The following HSD17B3 variants were observed in gnomAD, a reference collection of about 807,000 sequenced individuals.
The protein encoded by HSD17B3 is 17-beta-hydroxysteroid dehydrogenase type 3.
In HSD17B3, 29 loss-of-function variants were observed where a neutral mutation model predicts 41.1. That is an observed-to-expected ratio of 0.71 (90% CI 0.53 to 0.96). The LOEUF (loss-of-function observed/expected upper bound fraction) is 0.96, where lower values mean the gene tolerates loss of function less well. HSD17B3 is among the 40% of genes least tolerant of loss of function. The probability of loss-of-function intolerance (pLI) is 0.00; values close to 1 mark genes in which losing one functional copy is unlikely to be tolerated. For synonymous variants in HSD17B3, 126 were observed against 145.6 expected, an observed-to-expected ratio of 0.87 and a Z score of 0.97; for missense variants, 323 against 374.6, an observed-to-expected ratio of 0.86 and a Z score of 1.14.
At chr9:96,255,049 C>A in intron 2 of HSD17B3, 106 bp from the exon 3 acceptor site, 1 of 936,156 alleles carries the variant, frequency 1.1e-6, no homozygotes, top group South Asian at 1.4e-5. Context: ...GGCAGGGTGA[C>A]ATGGTTGCTT....
At chr9:96,285,533 G>T (rs951091967) in intron 2 of HSD17B3, among the ~76,000 whole-genome samples, 2 of 152,188 alleles carry the variant, frequency 1.3e-5, no homozygotes, top group African/African-American at 4.8e-5. Context: ...TTCATGGAAA[G>T]CCTTCTAATT....
intron 4 of HSD17B3, 129 bp from the exon 5 acceptor site, chr9:96,251,614 T>C: frequency 1.2e-6 from 1 of 823,364 alleles, no homozygotes. Flanking sequence ...GTGAGGAAAC[T>C]GGGGGGAAGT....
intron 7 of HSD17B3, among the ~76,000 whole-genome samples, chr9:96,245,992 C>G (rs1836648185): frequency 6.6e-6 from 1 of 152,146 alleles, no homozygotes; most frequent in African/African-American, 2.4e-5. Flanking sequence ...AATGGAGGGG[C>G]AGGGGACAAG....
intron 6 of HSD17B3, 144 bp downstream of exon 6, chr9:96,249,607 C>A: frequency 1.4e-6 from 1 of 730,702 alleles, no homozygotes; most frequent in South Asian, 1.5e-5. Context: ...AAGACAATTA[C>A]AAGACCACGA....
intron 2 of HSD17B3, among the ~76,000 whole-genome samples, chr9:96,271,607 T>TAGC (rs1826247494): frequency 6.6e-6 from 1 of 152,174 alleles, no homozygotes; most frequent in Non-Finnish European, 1.5e-5. Flanking sequence ...AGATATGTGT[T>TAGC]ATGATCCAGC....
At chr9:96,288,032 T>C (rs929367971) in intron 2 of HSD17B3, among the ~76,000 whole-genome samples, 2 of 152,144 alleles carry the variant, frequency 1.3e-5, no homozygotes, top group Non-Finnish European at 2.9e-5. Context: ...ATATGCTAAG[T>C]GGAAGAAAAC....
intron 2 of HSD17B3, among the ~76,000 whole-genome samples, chr9:96,278,522 T>C (rs763893191): frequency 7.2e-5 from 11 of 152,102 alleles, no homozygotes; most frequent in Non-Finnish European, 2.9e-5. Context: ...GGTGTGGGGA[T>C]GTGTGTGGAG....
At chr9:96,269,749 C>T (rs280656) in intron 2 of HSD17B3, among the ~76,000 whole-genome samples, 1 of 151,388 alleles carries the variant, frequency 6.6e-6, no homozygotes, top group African/African-American at 2.4e-5. Flanking sequence ...AGTAAAAATA[C>T]AAAAATTAGC....
At chr9:96,240,472 G>A (rs924391404) in intron 10 of HSD17B3, among the ~76,000 whole-genome samples, 2 of 152,146 alleles carry the variant, frequency 1.3e-5, no homozygotes, top group African/African-American at 2.4e-5. Flanking sequence ...CCACGTGGAA[G>A]CGCCATATAT....
At chr9:96,270,083 G>A (rs926633833) in intron 2 of HSD17B3, among the ~76,000 whole-genome samples, 1 of 152,202 alleles carries the variant, frequency 6.6e-6, no homozygotes, top group Non-Finnish European at 1.5e-5. Flanking sequence ...GTGTCGGGGT[G>A]AGGGAAGGTA....
intron 2 of HSD17B3, among the ~76,000 whole-genome samples, chr9:96,291,257 C>T (rs1827144890): frequency 6.6e-6 from 1 of 152,102 alleles, no homozygotes; most frequent in South Asian, 2.1e-4. Context: ...TCCCAAGTGT[C>T]ATCGGAGGCC....
At chr9:96,285,119 G>T (rs749205030) in intron 2 of HSD17B3, among the ~76,000 whole-genome samples, 15 of 152,062 alleles carry the variant, frequency 9.9e-5, no homozygotes, top group Non-Finnish European at 1.6e-4. Flanking sequence ...GATTACAGGC[G>T]TGAGCCACTG....
intron 2 of HSD17B3, among the ~76,000 whole-genome samples, chr9:96,272,175 C>T (rs1826267111): frequency 6.6e-6 from 1 of 151,052 alleles, no homozygotes. Context: ...TTGAAACCAG[C>T]CTGGCCAACA....
chr9:96,274,293 G>A (rs930779034), intron 2 of HSD17B3, among the ~76,000 whole-genome samples: 2 of 152,086 alleles, frequency 1.3e-5, no homozygotes, highest in African/African-American at 4.8e-5. Flanking sequence ...ACAAAAATTA[G>A]CTGGGCATGG....
At chr9:96,245,237 A>T in intron 8 of HSD17B3, 108 bp downstream of exon 8, 3 of 868,462 alleles carry the variant, frequency 3.5e-6, no homozygotes, top group Non-Finnish European at 6.0e-6. Context: ...ATAAGAGAGC[A>T]TCTCCAGGTA....
chr9:96,297,021 C>T (rs1827385836), intron 2 of HSD17B3, among the ~76,000 whole-genome samples: 1 of 145,246 alleles, frequency 6.9e-6, no homozygotes, highest in Non-Finnish European at 1.5e-5. Context: ...GGCAACAGAG[C>T]AAGTGTCTCA....
intron 2 of HSD17B3, among the ~76,000 whole-genome samples, chr9:96,296,688 C>G (rs528094444): frequency 2.0e-5 from 3 of 151,908 alleles, no homozygotes; most frequent in Admixed American, 2.0e-4. Flanking sequence ...AAATTTTTAC[C>G]AAGAAAATGG....
At chr9:96,277,351 G>A (rs1040814570) in intron 2 of HSD17B3, among the ~76,000 whole-genome samples, 2 of 152,126 alleles carry the variant, frequency 1.3e-5, no homozygotes, top group African/African-American at 2.4e-5. Context: ...TATATAAAGA[G>A]CTAATAAAAC....
chr9:96,255,410 A>G (rs551810646), intron 2 of HSD17B3, among the ~76,000 whole-genome samples: 75 of 53,442 alleles, frequency 1.4e-3, no homozygotes, highest in Non-Finnish European at 2.5e-3. Flanking sequence ...TTTTTTTTGC[A>G]ATAGAGTCTT....
Sources: gnomAD v4.1 joint callset for allele counts (sites outside exome capture counted in the v4.1 genomes callset) on GRCh38, gnomAD v4.1.1 for gene constraint, MANE v1.5 for transcripts, NCBI Gene and HGNC (gene_info 2026-07-23, HGNC 2026-07-21) for gene names.